PRKN: variants seen among roughly 807,000 people sequenced by gnomAD.
PRKN encodes the protein E3 ubiquitin-protein ligase parkin.
A neutral mutation model predicts 59.5 loss-of-function variants in PRKN; 56 were observed. The observed-to-expected ratio is 0.94, with a 90% CI of 0.76 to 1.18. The LOEUF (loss-of-function observed/expected upper bound fraction) is 1.18, where lower values mean the gene tolerates loss of function less well. PRKN is among the 50% of genes most tolerant of loss of function. The pLI, the probability that PRKN is intolerant of heterozygous loss-of-function variation, is 0.00. For synonymous variants in PRKN, 250 were observed against 222.1 expected (o/e 1.13, Z -1.12); for missense variants, 657 against 596.4 (o/e 1.10, Z -1.06).
At position 162,577,607 on chromosome 6, in the gene PRKN, A is replaced by ATAAAT. The variant is rs1780614068; in HGVS notation, c.8-134139_8-134135dup. Reference sequence around the variant, plus strand: ...AGAGCAAGACTCTGTCTCAAAATAAATAAATAAAATAAAATAAAATAAAAT... The same window carrying ATAAAT: ...AGAGCAAGACTCTGTCTCAAAATAAATAAATTAAATAAAATAAAATAAAATAAAAT... On this transcript the variant is annotated intron_variant, in intron 1 of 11. Coordinates refer to ENST00000366898, the MANE Select transcript of PRKN (RefSeq NM_004562.3). 4.7e-5 allele frequency among the ~76,000 whole-genome samples: 7 copies of ATAAAT among 148,290 alleles called. No homozygotes were observed. In the South Asian group the frequency reaches 1.5e-3, roughly 32 times the overall value.
At chr6:162,557,995 A>G (rs973729318) in intron 1 of PRKN, among the ~76,000 whole-genome samples, 4 of 152,214 alleles carry the variant, frequency 2.6e-5, no homozygotes, top group African/African-American at 9.6e-5. Context: ...GTTGCCCTAC[A>G]AGAAAATAAA....
At position 161,707,873 on chromosome 6, in the gene PRKN, G is replaced by A. The variant is rs554289075; in HGVS notation, c.871+77899C>T. On this transcript the variant is annotated intron_variant, in intron 7 of 11. Transcript: ENST00000366898. ...CTTCAAACATACAATGAATCCAAAA[G>A]GACTCTGTTGGTTACTGGCTCTTAA... Among the ~76,000 whole-genome samples, 25 of 152,138 alleles carry A rather than the reference G, an allele frequency of 1.6e-4. No individual in the cohort carries two copies. In the East Asian group the frequency reaches 3.5e-3, roughly 21 times the overall value.
At chr6:162,384,677 A>G in intron 2 of PRKN, among the ~76,000 whole-genome samples, 1 of 147,478 alleles carries the variant, frequency 6.8e-6, no homozygotes, top group South Asian at 2.2e-4. Context: ...AAAAAAAAAC[A>G]CTCATTATCT....
At chr6:161,933,500 C>A (rs1234449904) in intron 6 of PRKN, among the ~76,000 whole-genome samples, 1 of 152,202 alleles carries the variant, frequency 6.6e-6, no homozygotes, top group African/African-American at 2.4e-5. Flanking sequence ...CATTTAATCT[C>A]TTCTGGTCAT....
intron 6 of PRKN, among the ~76,000 whole-genome samples, chr6:161,917,054 C>T (rs550428792): frequency 1.3e-4 from 19 of 151,982 alleles, no homozygotes; most frequent in South Asian, 2.1e-4. Context: ...CGTCTGCCTC[C>T]GCCTCCCAAA....
chr6:161,649,817 C>A (rs936689674), intron 7 of PRKN, among the ~76,000 whole-genome samples: 6 of 152,206 alleles, frequency 3.9e-5, no homozygotes, highest in Non-Finnish European at 5.9e-5. Flanking sequence ...TGTCTCTCCC[C>A]AAGCTCAGGC....
chr6:162,475,317 G>A (rs1023655901), intron 1 of PRKN, among the ~76,000 whole-genome samples: 1 of 152,140 alleles, frequency 6.6e-6, no homozygotes, highest in African/African-American at 2.4e-5. Context: ...ATTATTCAAC[G>A]TCAAGTGTTG....
intron 1 of PRKN, among the ~76,000 whole-genome samples, chr6:162,484,024 A>G (rs1042742148): frequency 6.6e-5 from 10 of 152,206 alleles, no homozygotes; most frequent in African/African-American, 2.4e-4. Flanking sequence ...ATATGCTATC[A>G]TTTGATCATC....
At chr6:162,594,090 C>A (rs970163254) in intron 1 of PRKN, among the ~76,000 whole-genome samples, 1 of 151,172 alleles carries the variant, frequency 6.6e-6, no homozygotes, top group Non-Finnish European at 1.5e-5. Context: ...GTGGAAGTTG[C>A]GGTCAGCAGA....
intron 1 of PRKN, among the ~76,000 whole-genome samples, chr6:162,516,792 G>T (rs2128192243): frequency 6.6e-6 from 1 of 151,000 alleles, no homozygotes; most frequent in East Asian, 1.9e-4. Flanking sequence ...GAAAAGAAAA[G>T]AAAAAAGAAA....
intron 4 of PRKN, among the ~76,000 whole-genome samples, chr6:162,107,481 T>A (rs1185978464): frequency 2.0e-5 from 3 of 152,200 alleles, no homozygotes; most frequent in Non-Finnish European, 4.4e-5. Context: ...AATAAATGAA[T>A]AAAAAGTTGT....
chr6:162,639,694 T>C lies in PRKN; in HGVS notation c.7+87968A>G, dbSNP rs535297744. Among the ~76,000 whole-genome samples, 784 of 152,222 alleles carry C rather than the reference T, an allele frequency of 5.2e-3. 12 individuals are homozygous for C. The highest frequency in any genetic ancestry group is 3.3e-3 in the Non-Finnish European group (223 of 68,022). On this transcript the variant is annotated intron_variant, in intron 1 of 11. Coordinates refer to ENST00000366898, the MANE Select transcript of PRKN (RefSeq NM_004562.3). ...ACACTCAGTAGTTGCTCCATTTTTG[T>C]TTCAGAAAACTTTTCTGATATTCTA...
chr6:161,892,500 G>A (rs1777442705), intron 6 of PRKN, among the ~76,000 whole-genome samples: 1 of 152,074 alleles, frequency 6.6e-6, no homozygotes, highest in African/African-American at 2.4e-5. Flanking sequence ...GGTATCACAG[G>A]TAAGAACTAG....
At chr6:162,645,291 C>T (rs73016459) in intron 1 of PRKN, among the ~76,000 whole-genome samples, 2 of 151,982 alleles carry the variant, frequency 1.3e-5, no homozygotes, top group Non-Finnish European at 2.9e-5. Context: ...CTATTGCAGC[C>T]TCATTCATGG....
intron 2 of PRKN, among the ~76,000 whole-genome samples, chr6:162,296,698 G>C (rs958920081): frequency 6.6e-6 from 1 of 152,042 alleles, no homozygotes; most frequent in Non-Finnish European, 1.5e-5. Flanking sequence ...TACCCAGCAG[G>C]AAAAAAGCCA....
intron 2 of PRKN, chr6:162,269,525 G>C (rs995147520): frequency 1.3e-5 from 2 of 152,140 alleles, no homozygotes; most frequent in Non-Finnish European, 2.9e-5. Flanking sequence ...CTGTGCTCAC[G>C]ACATAAGTAG....
chr6:161,713,351 C>A (rs575904975), intron 7 of PRKN, among the ~76,000 whole-genome samples: 1 of 152,106 alleles, frequency 6.6e-6, no homozygotes, highest in African/African-American at 2.4e-5. Flanking sequence ...TCTAGTACCC[C>A]CTTCCCAGAG....
chr6:161,661,282 C>G (rs1562591145), intron 7 of PRKN, among the ~76,000 whole-genome samples: 1 of 152,182 alleles, frequency 6.6e-6, no homozygotes, highest in African/African-American at 2.4e-5. Flanking sequence ...TACTTCTCTG[C>G]ACCCACCTTG....
chr6:162,234,986 T>C (rs1368117921), intron 3 of PRKN, among the ~76,000 whole-genome samples: 3 of 152,210 alleles, frequency 2.0e-5, no homozygotes, highest in Non-Finnish European at 4.4e-5. Flanking sequence ...TATTCAGAGA[T>C]TCTCTTATGG....
Sources: allele counts gnomAD v4.1 joint callset (sites outside exome capture counted in the v4.1 genomes callset), GRCh38; gene constraint gnomAD v4.1.1; transcripts MANE v1.5; gene names NCBI Gene and HGNC (gene_info 2026-07-23, HGNC 2026-07-21).